Variants in VTI1A observed in about 807,000 individuals in gnomAD.
The protein encoded by VTI1A is vesicle transport through interaction with t-SNAREs 1A, also known as vesicle transport through interaction with t-SNAREs homolog 1A.
VTI1A carries 22 observed loss-of-function variants against 34.9 expected under a neutral mutation model. The observed-to-expected ratio is 0.63, with a 90% CI of 0.45 to 0.90. The LOEUF is 0.90. Ranked by LOEUF, VTI1A falls within the 40% of genes least tolerant of loss-of-function variation. VTI1A has a pLI of 0.00. For missense variants in VTI1A, 268 were observed against 275.6 expected (o/e 0.97, Z 0.20); for synonymous variants, 87 against 97.3 (o/e 0.89, Z 0.62).
At chr10:112,583,884 G>C (rs551543620) in intron 5 of VTI1A, among the ~76,000 whole-genome samples, 1 of 152,328 alleles carries the variant, frequency 6.6e-6, no homozygotes, top group East Asian at 1.9e-4. Context: ...TAAAGTGACA[G>C]ACGAGTTACG....
At chr10:112,681,130 C>G (rs1292242743) in intron 7 of VTI1A, among the ~76,000 whole-genome samples, 6 of 148,908 alleles carry the variant, frequency 4.0e-5, no homozygotes, top group African/African-American at 1.5e-4. Context: ...GCTTAGGGTA[C>G]AGTGGCCCAA....
At position 112,537,611 on chromosome 10, in the gene VTI1A, A is replaced by G. The variant is rs372608851; in HGVS notation, c.343-635A>G. 3.6e-4 allele frequency among the ~76,000 whole-genome samples: 55 copies of G among 152,212 alleles called. 1 individual carries two copies. The East Asian group carries it at 8.0e-3, about 22-fold the overall frequency. On this transcript the variant is annotated intron_variant, in intron 4 of 7. Coordinates refer to ENST00000393077, the MANE Select transcript of VTI1A (RefSeq NM_145206.4). Reference sequence around the variant, plus strand: ...TATCAACATCAATCTACATAGTGCCATATATTTAGGAACAAATGCACAATA... The same window carrying G: ...TATCAACATCAATCTACATAGTGCCGTATATTTAGGAACAAATGCACAATA...
chr10:112,655,898 T>G (rs1342983621), intron 5 of VTI1A, among the ~76,000 whole-genome samples: 1 of 152,198 alleles, frequency 6.6e-6, no homozygotes, highest in Non-Finnish European at 1.5e-5. Context: ...CAGTGTTTAT[T>G]AAAAGCTTCC....
At chr10:112,563,798 G>T (rs1589909158) in intron 5 of VTI1A, among the ~76,000 whole-genome samples, 1 of 152,112 alleles carries the variant, frequency 6.6e-6, no homozygotes, top group East Asian at 1.9e-4. Flanking sequence ...TATTCTTAAG[G>T]TATACATATC....
At chr10:112,608,088 G>A (rs868721888) in intron 5 of VTI1A, among the ~76,000 whole-genome samples, 1 of 152,130 alleles carries the variant, frequency 6.6e-6, no homozygotes, top group Non-Finnish European at 1.5e-5. Context: ...AGGTATTGGG[G>A]GCCATCTTGG....
Position 112,668,992 on chromosome 10 carries a change from T to G in VTI1A, c.554T>G (p.Leu185Trp). The change falls in exon 7 of 8, where the codon TTG becomes TGG. Residue 185 changes from leucine to tryptophan, a missense_variant. Leu to Trp is a moderately conservative substitution (Grantham distance 61). Coordinates refer to ENST00000393077, the MANE Select transcript of VTI1A (RefSeq NM_145206.4). Reference protein sequence around the residue: ...GKSSRILTGMLRRIIQNRILL... With the variant: ...GKSSRILTGMWRRIIQNRILL... ...AGCTCCAGGATTCTGACAGGGATGT[T>G]GCGAAGGTAAGAGCAAGGTAGGGAC... 6.2e-7 allele frequency: 1 copy of G among 1,612,360 alleles called. No individual in the cohort carries two copies. The highest frequency in any genetic ancestry group is 8.5e-7 in the Non-Finnish European group (1 of 1,178,672).
chr10:112,596,879 T>C (rs1292982414), intron 5 of VTI1A, among the ~76,000 whole-genome samples: 2 of 152,238 alleles, frequency 1.3e-5, no homozygotes, highest in Non-Finnish European at 2.9e-5. Context: ...GTTTGTGGTA[T>C]ACTTTTTTCA....
intron 7 of VTI1A, among the ~76,000 whole-genome samples, chr10:112,730,234 T>C (rs1480472354): frequency 1.3e-5 from 2 of 152,200 alleles, no homozygotes; most frequent in Non-Finnish European, 2.9e-5. Flanking sequence ...AGAGATTTCC[T>C]CCATTCTGTG....
intron 5 of VTI1A, among the ~76,000 whole-genome samples, chr10:112,623,402 T>C (rs1845801982): frequency 6.6e-6 from 1 of 151,822 alleles, no homozygotes; most frequent in African/African-American, 2.4e-5. Flanking sequence ...TACGTAGATA[T>C]ATTTTTCTTT....
chr10:112,618,512 T>TAGAGAGAGAGAGAGAGAGAG (rs1209394707), intron 5 of VTI1A, among the ~76,000 whole-genome samples: 1 of 37,926 alleles, frequency 2.6e-5, no homozygotes, highest in African/African-American at 1.2e-4. Context: ...TATATATATA[T>TAGAGAGAGAGAGAGAGAGAG]ATATATATAT....
intron 3 of VTI1A, among the ~76,000 whole-genome samples, chr10:112,491,935 G>T (rs528096833): frequency 6.6e-6 from 1 of 152,272 alleles, no homozygotes; most frequent in East Asian, 1.9e-4. Context: ...CAGCACATTA[G>T]AATCACCTGC....
chr10:112,744,223 A>G (rs1231371549), intron 7 of VTI1A, among the ~76,000 whole-genome samples: 1 of 152,192 alleles, frequency 6.6e-6, no homozygotes, highest in Non-Finnish European at 1.5e-5. Flanking sequence ...TGTATAAGCT[A>G]TTAGCTTAGC....
At chr10:112,700,914 C>G (rs2133899973) in intron 7 of VTI1A, among the ~76,000 whole-genome samples, 1 of 152,332 alleles carries the variant, frequency 6.6e-6, no homozygotes, top group South Asian at 2.1e-4. Context: ...GCTAAATCTT[C>G]ATGGAAATTT....
intron 5 of VTI1A, among the ~76,000 whole-genome samples, chr10:112,603,245 T>A (rs1045214026): frequency 2.6e-5 from 4 of 152,206 alleles, no homozygotes; most frequent in Non-Finnish European, 5.9e-5. Context: ...CAAATGAAGT[T>A]GGACATTGCT....
chr10:112,693,368 G>GA (rs1269624584), intron 7 of VTI1A, among the ~76,000 whole-genome samples: 1 of 152,116 alleles, frequency 6.6e-6, no homozygotes, highest in African/African-American at 2.4e-5. Flanking sequence ...CCAGCATGGT[G>GA]AAACCCCATC....
intron 7 of VTI1A, among the ~76,000 whole-genome samples, chr10:112,757,688 T>C (rs12411536): frequency 0.19 from 29,120 of 152,058 alleles, 3,199 homozygotes; most frequent in Non-Finnish European, 0.25. Flanking sequence ...GCCTGACCTG[T>C]TGCTTTGATT....
intron 7 of VTI1A, among the ~76,000 whole-genome samples, chr10:112,758,519 AT>A (rs1389751381): frequency 7.9e-5 from 12 of 152,346 alleles, no homozygotes; most frequent in African/African-American, 2.9e-4. Flanking sequence ...CCCCAAAGTG[AT>A]TCCAGGGCAA....
intron 7 of VTI1A, among the ~76,000 whole-genome samples, chr10:112,797,464 A>G (rs1307010279): frequency 2.0e-5 from 3 of 152,192 alleles, no homozygotes; most frequent in Non-Finnish European, 4.4e-5. Flanking sequence ...CATCCACTGC[A>G]GTTGGCTACA....
At chr10:112,623,811 C>T (rs1845821651) in intron 5 of VTI1A, among the ~76,000 whole-genome samples, 1 of 152,082 alleles carries the variant, frequency 6.6e-6, no homozygotes, top group African/African-American at 2.4e-5. Context: ...CGGCACTGTG[C>T]AGGGAAAGGG....
Sources: allele counts gnomAD v4.1 joint callset (sites outside exome capture counted in the v4.1 genomes callset), GRCh38; gene constraint gnomAD v4.1.1; transcripts MANE v1.5; gene names NCBI Gene and HGNC (gene_info 2026-07-23, HGNC 2026-07-21).